The following RBFOX1 variants were observed in gnomAD, a reference collection of about 807,000 sequenced individuals.
The protein encoded by RBFOX1 is RNA binding fox-1 homolog 1.
Under a neutral mutation model 57.7 loss-of-function variants are expected in RBFOX1, and 8 were observed. That is an observed-to-expected ratio of 0.14 (90% CI 0.08 to 0.25). The LOEUF is 0.25. Ranked by LOEUF, RBFOX1 falls within the 10% of genes least tolerant of loss-of-function variation. The pLI is 1.00. For missense variants in RBFOX1, 611 were observed against 548.5 expected, an observed-to-expected ratio of 1.11 and a Z score of -1.14; for synonymous variants, 326 against 222.4, an observed-to-expected ratio of 1.47 and a Z score of -4.15.
At chr16:5,826,105 A>G (rs796684544) in intron 3 of RBFOX1, among the ~76,000 whole-genome samples, 1 of 135,146 alleles carries the variant, frequency 7.4e-6, no homozygotes, top group Non-Finnish European at 1.6e-5. Flanking sequence ...ATAAGGAATA[A>G]TATTCCTTAA....
intron 1 of RBFOX1, among the ~76,000 whole-genome samples, chr16:5,306,696 C>T (rs1228641746): frequency 1.3e-5 from 2 of 152,192 alleles, no homozygotes; most frequent in South Asian, 2.1e-4. Context: ...GGTAAGGTTG[C>T]TTCCGAGAGA....
chr16:5,312,753 T>A (rs1420267232), intron 1 of RBFOX1, among the ~76,000 whole-genome samples: 1 of 152,184 alleles, frequency 6.6e-6, no homozygotes, highest in Non-Finnish European at 1.5e-5. Context: ...ACATCACTCA[T>A]CACCTATAGT....
Position 6,895,884 on chromosome 16 carries a change from T to C in RBFOX1, c.-15-156173T>C, listed in dbSNP as rs114760766. On this transcript the variant is annotated intron_variant, in intron 3 of 15. Transcript: ENST00000550418. ...GAAGATCATCATAGTACTCATCCTC[T>C]TATGTCATCTTTTTGTAAAATGTTT... is the stretch of plus-strand genomic sequence containing the variant. Among the ~76,000 whole-genome samples, 865 of 152,126 alleles carry C rather than the reference T, an allele frequency of 5.7e-3. 12 individuals carry two copies. Among genetic ancestry groups the C allele is most frequent in the African/African-American group, 0.02 (817 of 41,520 alleles).
intron 1 of RBFOX1, among the ~76,000 whole-genome samples, chr16:6,078,415 T>G (rs2152501201): frequency 6.6e-6 from 1 of 152,256 alleles, no homozygotes; most frequent in Middle Eastern, 3.4e-3. Context: ...GGGGGATTTT[T>G]TTTTTTAGCT....
chr16:6,359,336 C>T (rs1276842911), intron 2 of RBFOX1, among the ~76,000 whole-genome samples: 2 of 152,136 alleles, frequency 1.3e-5, no homozygotes, highest in Non-Finnish European at 2.9e-5. Flanking sequence ...TCAAGTGATC[C>T]TCCTGCCTCA....
chr16:6,759,982 T>C (rs372528638), intron 3 of RBFOX1, among the ~76,000 whole-genome samples: 70 of 152,304 alleles, frequency 4.6e-4, no homozygotes, highest in African/African-American at 1.5e-3. Context: ...TTGTGGAGTC[T>C]CTGAATATGT....
At chr16:5,242,419 T>C (rs1442083788) in intron 1 of RBFOX1, among the ~76,000 whole-genome samples, 1 of 152,212 alleles carries the variant, frequency 6.6e-6, no homozygotes, top group Non-Finnish European at 1.5e-5. Context: ...ATTTTCAAAC[T>C]TAAAATTTGG....
intron 3 of RBFOX1, among the ~76,000 whole-genome samples, chr16:6,775,064 G>A (rs886948477): frequency 6.6e-6 from 1 of 151,272 alleles, no homozygotes; most frequent in Admixed American, 6.6e-5. Flanking sequence ...AGTGGCTCAC[G>A]CCTGTAATCC....
At chr16:6,498,251 C>CA (rs33939872) in intron 2 of RBFOX1, among the ~76,000 whole-genome samples, 12,565 of 83,814 alleles carry the variant, frequency 0.15, 1,211 homozygotes, top group East Asian at 0.46. Context: ...AACTCCGTCT[C>CA]AAAACAAAAA....
intron 4 of RBFOX1, among the ~76,000 whole-genome samples, chr16:6,006,640 A>C (rs1392950159): frequency 6.6e-6 from 1 of 152,214 alleles, no homozygotes; most frequent in Non-Finnish European, 1.5e-5. Context: ...TTCAGCTTCA[A>C]CTAGTTTGAG....
chr16:5,405,399 C>T (rs2066837525), intron 1 of RBFOX1, among the ~76,000 whole-genome samples: 1 of 152,268 alleles, frequency 6.6e-6, no homozygotes, highest in African/African-American at 2.4e-5. Flanking sequence ...AAGGAGTTCC[C>T]CTGCACAAAC....
chr16:6,172,706 A>G (rs4786829), intron 1 of RBFOX1, among the ~76,000 whole-genome samples: 67,050 of 152,078 alleles, frequency 0.44, 15,062 homozygotes, highest in Admixed American at 0.52. Flanking sequence ...TCAGGATCAC[A>G]CATATAGAGT....
chr16:6,668,740 T>C (rs1196409552), intron 3 of RBFOX1, among the ~76,000 whole-genome samples: 1 of 152,216 alleles, frequency 6.6e-6, no homozygotes, highest in East Asian at 1.9e-4. Context: ...TAATTGGGGC[T>C]GAAATGCTTA....
chr16:6,447,188 C>G (rs1017651599), intron 2 of RBFOX1, among the ~76,000 whole-genome samples: 2 of 152,038 alleles, frequency 1.3e-5, no homozygotes, highest in African/African-American at 4.8e-5. Context: ...CATTTCCTAT[C>G]TGTGTTTGTG....
intron 3 of RBFOX1, among the ~76,000 whole-genome samples, chr16:6,664,836 G>T (rs759708192): frequency 6.6e-6 from 1 of 152,202 alleles, no homozygotes; most frequent in Non-Finnish European, 1.5e-5. Context: ...CAGTCAAACG[G>T]ATCTGGAGTT....
chr16:6,851,641 G>A (rs886601479), intron 3 of RBFOX1, among the ~76,000 whole-genome samples: 2 of 152,102 alleles, frequency 1.3e-5, no homozygotes, highest in Admixed American at 6.6e-5. Context: ...GCCTCCTGTT[G>A]TCAGGGAAAG....
chr16:6,385,224 T>C (rs1216719000), intron 2 of RBFOX1, among the ~76,000 whole-genome samples: 1 of 152,218 alleles, frequency 6.6e-6, no homozygotes, highest in African/African-American at 2.4e-5. Context: ...ATTTAAATAA[T>C]GGAAACAGGA....
chr16:6,967,270 C>G (rs950464035), intron 3 of RBFOX1, among the ~76,000 whole-genome samples: 2 of 151,948 alleles, frequency 1.3e-5, no homozygotes, highest in African/African-American at 2.4e-5. Context: ...GTACACTCAT[C>G]ATTTCATCAT....
intron 4 of RBFOX1, among the ~76,000 whole-genome samples, chr16:7,327,296 A>C (rs755524561): frequency 1.3e-5 from 2 of 152,230 alleles, no homozygotes; most frequent in Non-Finnish European, 2.9e-5. Flanking sequence ...ATAATTTGCC[A>C]GTGTGGTTTG....
Sources: gnomAD v4.1 joint callset for allele counts (sites outside exome capture counted in the v4.1 genomes callset) on GRCh38, gnomAD v4.1.1 for gene constraint, MANE v1.5 for transcripts, NCBI Gene and HGNC (gene_info 2026-07-23, HGNC 2026-07-21) for gene names.